Variants in TMEM132C observed in about 807,000 individuals in gnomAD.
The protein encoded by TMEM132C is transmembrane protein 132C.
Under a neutral mutation model 61.4 loss-of-function variants are expected in TMEM132C, and 29 were observed. The ratio of observed to expected loss-of-function variants is 0.47; its 90% CI spans 0.35 to 0.64. The LOEUF (loss-of-function observed/expected upper bound fraction) is 0.64, where lower values mean the gene tolerates loss of function less well. Ranked by LOEUF, TMEM132C falls within the 30% of genes least tolerant of loss-of-function variation. The pLI, the probability that TMEM132C is intolerant of heterozygous loss-of-function variation, is 0.00. For synonymous variants in TMEM132C, 656 were observed against 633.1 expected, an observed-to-expected ratio of 1.04 and a Z score of -0.54; for missense variants, 1,408 against 1,476.9, an observed-to-expected ratio of 0.95 and a Z score of 0.76.
intron 3 of TMEM132C, among the ~76,000 whole-genome samples, chr12:128,573,418 T>C (rs971586309): frequency 6.0e-5 from 9 of 150,612 alleles, no homozygotes; most frequent in African/African-American, 1.5e-4. Flanking sequence ...CACTTGGACA[T>C]AGGACGGGGA....
At chr12:128,553,251 G>A (rs1296770644) in intron 3 of TMEM132C, among the ~76,000 whole-genome samples, 3 of 152,196 alleles carry the variant, frequency 2.0e-5, no homozygotes. Flanking sequence ...CGCAGCCTGT[G>A]GGCTACAGGT....
intron 3 of TMEM132C, among the ~76,000 whole-genome samples, chr12:128,564,256 G>T (rs1874622219): frequency 6.6e-6 from 1 of 152,172 alleles, no homozygotes; most frequent in Non-Finnish European, 1.5e-5. Flanking sequence ...TGCATTGGGG[G>T]TTAGGGTTTC....
intron 1 of TMEM132C, among the ~76,000 whole-genome samples, chr12:128,370,526 T>A (rs1264345157): frequency 1.3e-5 from 2 of 151,572 alleles, no homozygotes; most frequent in Admixed American, 1.3e-4. Flanking sequence ...TAGAGCCCAG[T>A]GAGAGTGGGG....
rs1409175181 is a variant in TMEM132C at position 128,433,003 on chromosome 12, AAAT to A, written c.974+17386_974+17388del. Among the ~76,000 whole-genome samples the A allele has an allele frequency of 3.7e-3, 3 of 820 alleles. No homozygotes were observed. The Non-Finnish European group carries it at 0.037, about 10-fold the overall frequency. The allele number at this position is 820 out of a possible 152,430, so 0.5% of individuals were successfully genotyped here. A position where few individuals can be genotyped will look rare whatever the true frequency, so the allele number is the denominator to read the frequency against. The stretch of plus-strand genomic sequence containing the variant: ...GAGGCAAGACCCTCCACCAGCCAAA[AAAT>A]AAATAAATAAATAAATAAATAAATA... On this transcript the variant is annotated intron_variant, in intron 2 of 8. Transcript: ENST00000435159.
intron 2 of TMEM132C, among the ~76,000 whole-genome samples, chr12:128,513,581 G>C (rs1244541165): frequency 6.6e-6 from 1 of 152,138 alleles, no homozygotes; most frequent in Non-Finnish European, 1.5e-5. Context: ...ATGTGCGTGA[G>C]AGGGAAAGCA....
rs939089634 is a variant in TMEM132C at position 128,705,344 on chromosome 12, C to T, written c.2376C>T (p.Val792=). ...GCAAGAGCATCCTGGCTGTGGGCGT[C>T]GGCAACGTCAGGGTCAAGTTCGGAC... is the stretch of plus-strand genomic sequence containing the variant. ...SKRKSILAVG[V]GNVRVKFGQN... Residue 792 remains valine, a synonymous_variant, in exon 9 of 9, where the codon GTC becomes GTT. Coordinates refer to ENST00000435159, the MANE Select transcript of TMEM132C (RefSeq NM_001136103.3). 1.4e-5 allele frequency: 22 copies of T among 1,551,304 alleles called. No homozygotes were observed. Among genetic ancestry groups the T allele is most frequent in the Admixed American group, 3.9e-5 (2 of 50,986 alleles).
rs529498195 is a variant in TMEM132C, at chr12:128,320,823, A to G, written c.85+53336A>G. ...GGTGAAGATAAATACAAAAAAAAAA[A>G]GAAAGAAAAAGGTGAAGATATCAAC... On this transcript the variant is annotated intron_variant, in intron 1 of 8. Coordinates refer to ENST00000435159, the MANE Select transcript of TMEM132C (RefSeq NM_001136103.3). Among the ~76,000 whole-genome samples, 8 of 151,622 alleles carry G rather than the reference A, an allele frequency of 5.3e-5. No individual in the cohort carries two copies. The South Asian group carries it at 1.7e-3, about 32-fold the overall frequency.
rs1351848532 is a variant in TMEM132C, at chr12:128,487,008, G to T, written c.975-56949G>T. Among the ~76,000 whole-genome samples, 3 of 152,058 alleles carry T rather than the reference G, an allele frequency of 2.0e-5. No homozygotes were observed. The East Asian group carries it at 5.8e-4, about 30-fold the overall frequency. ...CGTAATGATTCTAAGGCTGTAAATTGCTACTCTGTTCTAGAAACTTACTAG... is the reference window on the plus strand; with the variant it reads ...CGTAATGATTCTAAGGCTGTAAATTTCTACTCTGTTCTAGAAACTTACTAG... On this transcript the variant is annotated intron_variant, in intron 2 of 8. Transcript: ENST00000435159.
intron 1 of TMEM132C, among the ~76,000 whole-genome samples, chr12:128,403,248 C>T (rs1875231114): frequency 6.6e-6 from 1 of 152,126 alleles, no homozygotes; most frequent in South Asian, 2.1e-4. Context: ...AATATTCAGG[C>T]TTGCTTGTGT....
intron 3 of TMEM132C, among the ~76,000 whole-genome samples, chr12:128,565,642 A>T (rs755067532): frequency 1.3e-5 from 2 of 152,196 alleles, no homozygotes; most frequent in Non-Finnish European, 2.9e-5. Context: ...GGGTAGTGGG[A>T]ATTCATGTCA....
At chr12:128,398,670 C>G (rs1215380540) in intron 1 of TMEM132C, among the ~76,000 whole-genome samples, 4 of 152,210 alleles carry the variant, frequency 2.6e-5, no homozygotes, top group African/African-American at 9.6e-5. Context: ...CTGAATTACT[C>G]AATCTCTCTG....
At chr12:128,498,959 A>G (rs1872065349) in intron 2 of TMEM132C, among the ~76,000 whole-genome samples, 1 of 152,180 alleles carries the variant, frequency 6.6e-6, no homozygotes. Context: ...TTACTCTCCA[A>G]AGTGATCACC....
In TMEM132C at chr12:128,547,565, C is replaced by CAAA. The variant is rs34135152; in HGVS notation, c.1121+3478_1121+3480dup. ...GGCGACAGAGCAAGACTCTGTCTCA[C>CAAA]AAAAAAAAAAAAAAAAAAGAAATAT... On this transcript the variant is annotated intron_variant, in intron 3 of 8. Transcript: ENST00000435159. 4.3e-4 allele frequency among the ~76,000 whole-genome samples: 29 copies of CAAA among 67,598 alleles called. 1 individual carries two copies. The highest frequency in any genetic ancestry group is 1.3e-3 in the African/African-American group (28 of 20,836). The allele number at this position is 67,598 out of a possible 152,430, so 44.3% of individuals were successfully genotyped here. A position where few individuals can be genotyped will look rare whatever the true frequency, so the allele number is the denominator to read the frequency against.
chr12:128,270,533 T>C (rs1592991519), intron 1 of TMEM132C, among the ~76,000 whole-genome samples: 1 of 152,006 alleles, frequency 6.6e-6, no homozygotes, highest in South Asian at 2.1e-4. Flanking sequence ...GCTTTAGGGG[T>C]TTTGGGTTTC....
At position 128,335,452 on chromosome 12, in the gene TMEM132C, A is replaced by G. The variant is rs370154048; in HGVS notation, c.85+67965A>G. On this transcript the variant is annotated intron_variant, in intron 1 of 8. Transcript: ENST00000435159. ...ATCAAATTTTTCAGAAAGATTAACC[A>G]TCGCTGTTGTATTCTAACTGCCCGT... 2.0e-5 allele frequency among the ~76,000 whole-genome samples: 3 copies of G among 152,190 alleles called. No homozygotes were observed. In the East Asian group the frequency reaches 5.8e-4, roughly 29 times the overall value.
At chr12:128,433,469 CTT>C (rs1339937988) in intron 2 of TMEM132C, among the ~76,000 whole-genome samples, 1 of 152,126 alleles carries the variant, frequency 6.6e-6, no homozygotes, top group Non-Finnish European at 1.5e-5. Context: ...CTTAAATAAA[CTT>C]TAAGAAAAAA....
At chr12:128,507,375 T>G (rs1277531336) in intron 2 of TMEM132C, among the ~76,000 whole-genome samples, 1 of 148,070 alleles carries the variant, frequency 6.8e-6, no homozygotes, top group Non-Finnish European at 1.5e-5. Context: ...TTTGTCCAGG[T>G]GTTTTTTTCT....
At chr12:128,572,798 G>C (rs1254800447) in intron 3 of TMEM132C, among the ~76,000 whole-genome samples, 1 of 152,192 alleles carries the variant, frequency 6.6e-6, no homozygotes, top group Admixed American at 6.5e-5. Context: ...GCCAGGCCTG[G>C]GTCACATGCC....
intron 2 of TMEM132C, among the ~76,000 whole-genome samples, chr12:128,539,993 T>C (rs1310419601): frequency 2.0e-5 from 3 of 152,306 alleles, no homozygotes; most frequent in Non-Finnish European, 4.4e-5. Flanking sequence ...CTTTTTTCTG[T>C]TATTGACATA....
Sources: allele counts gnomAD v4.1 joint callset (sites outside exome capture counted in the v4.1 genomes callset), GRCh38; gene constraint gnomAD v4.1.1; transcripts MANE v1.5; gene names NCBI Gene and HGNC (gene_info 2026-07-23, HGNC 2026-07-21).